Variants in SBF2 observed in about 807,000 individuals in gnomAD.
SBF2 encodes SET binding factor 2.
Under a neutral mutation model 225.2 loss-of-function variants are expected in SBF2, and 112 were observed. The ratio of observed to expected loss-of-function variants is 0.50; its 90% CI spans 0.43 to 0.58. The LOEUF (loss-of-function observed/expected upper bound fraction) is 0.58. SBF2 is among the 20% of genes least tolerant of loss of function. SBF2 has a pLI of 0.00. For synonymous variants in SBF2, 763 were observed against 773.3 expected (o/e 0.99, Z 0.22); for missense variants, 1,996 against 2,206.2 (o/e 0.90, Z 1.91).
At chr11:9,852,618 C>A in intron 21 of SBF2, 58 bp downstream of exon 21, 1 of 1,227,086 alleles carries the variant, frequency 8.1e-7, no homozygotes, top group South Asian at 1.2e-5. Context: ...ACACAGCAGT[C>A]TATTGTTTGT....
intron 2 of SBF2, among the ~76,000 whole-genome samples, chr11:10,121,212 A>C (rs1040498561): frequency 1.9e-4 from 29 of 152,266 alleles, no homozygotes; most frequent in African/African-American, 6.8e-4. Context: ...ATACGGGATC[A>C]GCACTCAGAA....
At chr11:10,146,528 A>C (rs1298701783) in intron 2 of SBF2, among the ~76,000 whole-genome samples, 1 of 152,234 alleles carries the variant, frequency 6.6e-6, no homozygotes, top group African/African-American at 2.4e-5. Context: ...GTATGCAGAA[A>C]ATTGAAACTG....
intron 1 of SBF2, among the ~76,000 whole-genome samples, chr11:10,248,867 G>T (rs1960057403): frequency 6.6e-6 from 1 of 152,222 alleles, no homozygotes; most frequent in South Asian, 2.1e-4. Context: ...AGGCCGAGGT[G>T]GGCGGATCAC....
intron 2 of SBF2, among the ~76,000 whole-genome samples, chr11:10,131,429 G>A (rs1954047293): frequency 6.6e-6 from 1 of 151,490 alleles, no homozygotes; most frequent in African/African-American, 2.4e-5. Flanking sequence ...AAAAAAGATT[G>A]TGATTTGAGA....
intron 1 of SBF2, among the ~76,000 whole-genome samples, chr11:10,241,034 T>C (rs538049232): frequency 6.6e-6 from 1 of 152,258 alleles, no homozygotes; most frequent in East Asian, 1.9e-4. Context: ...CTTAAAAAAA[T>C]TTATAGCTTG....
chr11:9,795,708 C>T, intron 33 of SBF2, 123 bp downstream of exon 33: 1 of 1,225,414 alleles, frequency 8.2e-7, no homozygotes, highest in South Asian at 1.3e-5. Context: ...CCTCTACATT[C>T]ATAGTTCAGA....
At chr11:10,046,601 A>C (rs1001446388) in intron 2 of SBF2, among the ~76,000 whole-genome samples, 3 of 151,910 alleles carry the variant, frequency 2.0e-5, no homozygotes, top group Non-Finnish European at 4.4e-5. Flanking sequence ...CTAGAAGTAG[A>C]GGGAAACTTC....
chr11:9,874,959 C>T (rs998923534), intron 17 of SBF2, among the ~76,000 whole-genome samples: 1 of 152,130 alleles, frequency 6.6e-6, no homozygotes, highest in Non-Finnish European at 1.5e-5. Flanking sequence ...GCATTGTAAG[C>T]TGATTATAAG....
chr11:9,872,814 G>A (rs537783837), intron 17 of SBF2, among the ~76,000 whole-genome samples: 34 of 152,172 alleles, frequency 2.2e-4, no homozygotes, highest in South Asian at 1.2e-3. Context: ...TCAGGAGTTC[G>A]AGTAAATAAT....
chr11:9,946,195 A>G (rs190301951), intron 16 of SBF2, among the ~76,000 whole-genome samples: 9 of 152,330 alleles, frequency 5.9e-5, no homozygotes, highest in South Asian at 2.1e-4. Flanking sequence ...ATGCCCATCA[A>G]TGGTTGACTG....
chr11:10,229,794 T>C (rs2135430018), intron 1 of SBF2, among the ~76,000 whole-genome samples: 1 of 152,278 alleles, frequency 6.6e-6, no homozygotes, highest in Non-Finnish European at 1.5e-5. Context: ...ATTCTGTTGA[T>C]TTGGGGTGGA....
chr11:10,130,450 G>C (rs1953986177), intron 2 of SBF2, among the ~76,000 whole-genome samples: 1 of 151,590 alleles, frequency 6.6e-6, no homozygotes, highest in Admixed American at 6.6e-5. Context: ...TAAAATTATA[G>C]AAATTCATCA....
chr11:10,165,520 C>T lies in SBF2; in HGVS notation c.141+28382G>A, dbSNP rs547179993. Among the ~76,000 whole-genome samples, 5 of 152,204 alleles carry T rather than the reference C, an allele frequency of 3.3e-5. No individual in the cohort carries two copies. In the East Asian group the frequency reaches 9.6e-4, roughly 29 times the overall value. On this transcript the variant is annotated intron_variant, in intron 2 of 39. Coordinates refer to ENST00000256190, the MANE Select transcript of SBF2 (RefSeq NM_030962.4). Reference sequence around the variant, plus strand: ...TGCAAAATTAGCCAAAAATGATGTCCAAAGATTTGCCGAAGTTGAATTTCT... The same window carrying T: ...TGCAAAATTAGCCAAAAATGATGTCTAAAGATTTGCCGAAGTTGAATTTCT...
chr11:10,261,163 T>C (rs1591324761), intron 1 of SBF2, among the ~76,000 whole-genome samples: 1 of 152,148 alleles, frequency 6.6e-6, no homozygotes, highest in Non-Finnish European at 1.5e-5. Context: ...CGATGCCAAA[T>C]ACTGATGAGA....
At position 9,993,949 on chromosome 11, in the gene SBF2, C is replaced by T. The variant is rs954771068; in HGVS notation, c.1025G>A (p.Arg342Gln). The T allele has an allele frequency of 9.5e-6, 12 of 1,257,594 alleles. No homozygotes were observed. Among genetic ancestry groups the T allele is most frequent in the African/African-American group, 1.5e-5 (1 of 68,052 alleles). 77.9% of individuals were successfully genotyped at this position (1,257,594 alleles called of 1,614,324 possible). A position where few individuals can be genotyped will look rare whatever the true frequency, so the allele number is the denominator to read the frequency against. The change falls in exon 10 of 40, where the codon CGA (arginine) becomes CAA (glutamine). Residue 342 changes from arginine to glutamine, a missense_variant. Coordinates refer to ENST00000256190, the MANE Select transcript of SBF2 (RefSeq NM_030962.4). ...EVADHAFPPP[R>Q]TALSHSKMLD... ...CATTTTTGAGTGGGATAAAGCTGTTCGTGGAGGAGGAAAAGCATGATCTGC... is the reference window on the plus strand; with the variant it reads ...CATTTTTGAGTGGGATAAAGCTGTTTGTGGAGGAGGAAAAGCATGATCTGC...
At chr11:9,790,730 C>CTT (rs754041808) in intron 33 of SBF2, 47 bp from the exon 34 acceptor site, 22 of 1,485,816 alleles carry the variant, frequency 1.5e-5, no homozygotes, top group Middle Eastern at 1.9e-4. Flanking sequence ...TAAATTCACA[C>CTT]TTTGCCAAAA....
intron 2 of SBF2, among the ~76,000 whole-genome samples, chr11:10,158,081 A>G (rs1370497051): frequency 6.6e-6 from 1 of 152,240 alleles, no homozygotes; most frequent in African/African-American, 2.4e-5. Flanking sequence ...CACACTCTTA[A>G]GCAACCAATG....
intron 22 of SBF2, among the ~76,000 whole-genome samples, chr11:9,847,982 G>A (rs1406617065): frequency 1.3e-5 from 2 of 152,000 alleles, no homozygotes; most frequent in South Asian, 2.1e-4. Flanking sequence ...TTTAAAGGAA[G>A]TGTAGAATCT....
At chr11:9,947,319 C>T (rs1462141449) in intron 16 of SBF2, among the ~76,000 whole-genome samples, 1 of 152,070 alleles carries the variant, frequency 6.6e-6, no homozygotes, top group Non-Finnish European at 1.5e-5. Context: ...GGTAAGGGAA[C>T]AGAAAAATGT....
Sources: allele counts gnomAD v4.1 joint callset (sites outside exome capture counted in the v4.1 genomes callset), GRCh38; gene constraint gnomAD v4.1.1; transcripts MANE v1.5; gene names NCBI Gene and HGNC (gene_info 2026-07-23, HGNC 2026-07-21).